The following ADAMTS20 variants were observed in gnomAD, a reference collection of about 807,000 sequenced individuals.
ADAMTS20 encodes A disintegrin and metalloproteinase with thrombospondin motifs 20.
ADAMTS20 carries 225 observed loss-of-function variants against 260.1 expected under a neutral mutation model. That is an observed-to-expected ratio of 0.87 (90% CI 0.78 to 0.97). ADAMTS20 has a LOEUF of 0.97. Among genes scored for constraint, ADAMTS20 ranks in the 50% least tolerant of loss-of-function variants. The pLI, the probability that ADAMTS20 is intolerant of heterozygous loss-of-function variation, is 0.00. For missense variants in ADAMTS20, 2,400 were observed against 2,337.7 expected (o/e 1.03, Z -0.55); for synonymous variants, 802 against 769.5 (o/e 1.04, Z -0.70).
Position 43,383,792 on chromosome 12 carries a change from G to A in ADAMTS20, c.4626+12C>T, listed in dbSNP as rs1346086964. On this transcript the variant is annotated intron_variant, in intron 30 of 38. Coordinates refer to ENST00000389420, the MANE Select transcript of ADAMTS20 (RefSeq NM_025003.5). ...ATGCAGTGTCTTTGAAAATTTACAT[G>A]TCGATACTCACATTCAGCCTCCCTC... 1.9e-6 allele frequency: 3 copies of A among 1,613,520 alleles called. No individual in the cohort carries two copies. The highest frequency in any genetic ancestry group is 2.5e-6 in the Non-Finnish European group (3 of 1,179,614).
rs1225405475 is a variant in ADAMTS20 at position 43,431,434 on chromosome 12, A to T, written c.3159T>A (p.Asp1053Glu). ...AATTACAGAAGCCATCACTCAAGTG[A>T]TCTACATTCAGCTGACACCATACCT... is the stretch of plus-strand genomic sequence containing the variant. Reference protein sequence around the residue: ...QRQVWCQLNVDHLSDGFCNSS... With the variant: ...QRQVWCQLNVEHLSDGFCNSS... The change falls in exon 22 of 39, where the codon GAT becomes GAA. Residue 1053 changes from aspartate to glutamate, a missense_variant. Asp to Glu is a conservative substitution (Grantham distance 45). Coordinates refer to ENST00000389420, the MANE Select transcript of ADAMTS20 (RefSeq NM_025003.5). 2 of 1,613,864 alleles carry T rather than the reference A, an allele frequency of 1.2e-6. No homozygotes were observed. The highest frequency in any genetic ancestry group is 2.7e-5 in the African/African-American group (2 of 74,932).
chr12:43,463,464 AAAGGGCTCTG>A (rs1301282785), intron 10 of ADAMTS20, among the ~76,000 whole-genome samples: 3 of 152,318 alleles, frequency 2.0e-5, no homozygotes, highest in Admixed American at 2.0e-4. Context: ...ACTTTTGAAC[AAAGGGCTCTG>A]AAGGTTTCGA....
At chr12:43,382,640 CAGA>C (rs1940379004) in intron 31 of ADAMTS20, among the ~76,000 whole-genome samples, 3 of 151,054 alleles carry the variant, frequency 2.0e-5, no homozygotes, top group Admixed American at 6.6e-5. Context: ...ATTAGATGTC[CAGA>C]AGAAGATGTT....
chr12:43,399,264 A>G, intron 28 of ADAMTS20, 31 bp from the exon 29 acceptor site: 1 of 1,416,642 alleles, frequency 7.1e-7, no homozygotes, highest in Non-Finnish European at 9.3e-7. Flanking sequence ...CACTTGATTC[A>G]TTTTCTTCTT....
intron 3 of ADAMTS20, among the ~76,000 whole-genome samples, chr12:43,504,781 A>T (rs973129254): frequency 7.2e-5 from 11 of 152,206 alleles, no homozygotes; most frequent in Non-Finnish European, 1.5e-4. Context: ...ATAAAATTTC[A>T]GGTATCTTTA....
intron 7 of ADAMTS20, among the ~76,000 whole-genome samples, chr12:43,488,957 A>G (rs1942562440): frequency 6.6e-6 from 1 of 152,094 alleles, no homozygotes. Context: ...GTTAAGTACC[A>G]GTACACCAAG....
chr12:43,483,190 C>A (rs1392628863), intron 7 of ADAMTS20, among the ~76,000 whole-genome samples: 1 of 152,174 alleles, frequency 6.6e-6, no homozygotes, highest in Non-Finnish European at 1.5e-5. Flanking sequence ...CATTCCCCAG[C>A]ACCAACCTGG....
intron 37 of ADAMTS20, among the ~76,000 whole-genome samples, 187 bp from the exon 38 acceptor site, chr12:43,356,775 C>T (rs1379083915): frequency 6.6e-6 from 1 of 152,194 alleles, no homozygotes; most frequent in Non-Finnish European, 1.5e-5. Flanking sequence ...TAGAAATTAG[C>T]AAGTTCTGAC....
At position 43,377,045 on chromosome 12, in the gene ADAMTS20, A is replaced by C. The variant is rs1940245846; in HGVS notation, c.4995+320T>G. Among the ~76,000 whole-genome samples the C allele has an allele frequency of 2.6e-5, 4 of 152,326 alleles. No homozygotes were observed. In the South Asian group the frequency reaches 8.3e-4, roughly 32 times the overall value. Reference sequence around the variant, plus strand: ...ATAGAATATGATATAAATAACTTTTATTACTCATATATTAGATTTATTTAC... The same window carrying C: ...ATAGAATATGATATAAATAACTTTTCTTACTCATATATTAGATTTATTTAC... On this transcript the variant is annotated intron_variant, in intron 32 of 38. Transcript: ENST00000389420.
chr12:43,409,065 A>G (rs1195122710), intron 28 of ADAMTS20, among the ~76,000 whole-genome samples: 1 of 152,152 alleles, frequency 6.6e-6, no homozygotes, highest in Non-Finnish European at 1.5e-5. Flanking sequence ...TGTTTTTATC[A>G]AGAGAAAATA....
chr12:43,364,926 G>C (rs749437627), intron 37 of ADAMTS20, among the ~76,000 whole-genome samples: 7 of 151,930 alleles, frequency 4.6e-5, no homozygotes, highest in Non-Finnish European at 8.8e-5. Flanking sequence ...TGGACTCCAA[G>C]CCAAGTAGAC....
chr12:43,497,634 A>T (rs1942696063), intron 4 of ADAMTS20, among the ~76,000 whole-genome samples: 1 of 152,160 alleles, frequency 6.6e-6, no homozygotes, highest in South Asian at 2.1e-4. Context: ...ATGAAAGCAT[A>T]TCATTAGTTT....
intron 37 of ADAMTS20, among the ~76,000 whole-genome samples, chr12:43,364,184 G>C (rs1441499883): frequency 2.0e-5 from 3 of 151,956 alleles, no homozygotes; most frequent in Admixed American, 6.6e-5. Flanking sequence ...AGTTCAGCCA[G>C]GTAATTAAAA....
At chr12:43,415,726 C>G (rs1160388157) in intron 28 of ADAMTS20, among the ~76,000 whole-genome samples, 2 of 152,164 alleles carry the variant, frequency 1.3e-5, no homozygotes, top group African/African-American at 2.4e-5. Flanking sequence ...TACCACAGCT[C>G]TTATTCTTAC....
intron 2 of ADAMTS20, among the ~76,000 whole-genome samples, chr12:43,547,427 G>A (rs74679515): frequency 6.6e-6 from 1 of 152,136 alleles, no homozygotes. Context: ...CCACTGGGGG[G>A]TTAAAATCCC....
intron 2 of ADAMTS20, among the ~76,000 whole-genome samples, chr12:43,548,291 G>A (rs544194667): frequency 5.3e-5 from 8 of 152,296 alleles, no homozygotes; most frequent in Non-Finnish European, 7.4e-5. Flanking sequence ...GGACTGAGAG[G>A]CCAAAGTCAG....
At chr12:43,362,104 G>T (rs577553777) in intron 37 of ADAMTS20, among the ~76,000 whole-genome samples, 6 of 152,254 alleles carry the variant, frequency 3.9e-5, no homozygotes, top group Admixed American at 3.3e-4. Context: ...AAGGAGGATG[G>T]GTTGTTGGAC....
At chr12:43,505,333 A>G (rs4768504) in intron 3 of ADAMTS20, among the ~76,000 whole-genome samples, 106,559 of 152,042 alleles carry the variant, frequency 0.7, 37,728 homozygotes, top group East Asian at 1. Flanking sequence ...GGACACAATC[A>G]ACAAAGCAAA....
At chr12:43,493,295 T>A in intron 4 of ADAMTS20, 42 bp from the exon 5 acceptor site, 2 of 1,361,066 alleles carry the variant, frequency 1.5e-6, no homozygotes, top group South Asian at 2.5e-5. Context: ...TTAAAATGAA[T>A]ATTTCTTCTC....
Sources: gnomAD v4.1 joint callset for allele counts (sites outside exome capture counted in the v4.1 genomes callset) on GRCh38, gnomAD v4.1.1 for gene constraint, MANE v1.5 for transcripts, NCBI Gene and HGNC (gene_info 2026-07-23, HGNC 2026-07-21) for gene names.